The following LRBA variants were observed in gnomAD, a reference collection of about 807,000 sequenced individuals.
The protein encoded by LRBA is LPS responsive beige-like anchor protein.
LRBA carries 176 observed loss-of-function variants against 330.0 expected under a neutral mutation model. That is an observed-to-expected ratio of 0.53 (90% CI 0.47 to 0.60). LRBA has a LOEUF of 0.60. Ranked by LOEUF, LRBA falls within the 20% of genes least tolerant of loss-of-function variation. LRBA has a pLI of 0.00. For missense variants in LRBA, 3,259 were observed against 3,444.8 expected (o/e 0.95, Z 1.35); for synonymous variants, 1,230 against 1,193.0 (o/e 1.03, Z -0.64).
intron 37 of LRBA, among the ~76,000 whole-genome samples, chr4:150,631,797 G>A (rs1777403075): frequency 6.6e-6 from 1 of 152,178 alleles, no homozygotes; most frequent in African/African-American, 2.4e-5. Flanking sequence ...TGCAAACAGA[G>A]ATGAATTTAG....
At chr4:150,642,860 G>T (rs1035741977) in intron 37 of LRBA, among the ~76,000 whole-genome samples, 1 of 151,690 alleles carries the variant, frequency 6.6e-6, no homozygotes, top group Non-Finnish European at 1.5e-5. Context: ...GGAGGCAAAA[G>T]AATTACTCTC....
intron 2 of LRBA, chr4:151,013,077 AGCT>A (rs1745040635): frequency 6.6e-6 from 1 of 152,162 alleles, no homozygotes. Flanking sequence ...AATTCCATCT[AGCT>A]ACTTTCTTAT....
intron 34 of LRBA, among the ~76,000 whole-genome samples, chr4:150,779,146 GAATTA>G (rs1737822173): frequency 6.6e-6 from 1 of 151,842 alleles, no homozygotes; most frequent in Non-Finnish European, 1.5e-5. Flanking sequence ...TTTTAATTTA[GAATTA>G]AATTATCTCA....
At chr4:150,546,734 T>TA (rs1215468104) in intron 40 of LRBA, among the ~76,000 whole-genome samples, 1 of 152,180 alleles carries the variant, frequency 6.6e-6, no homozygotes, top group Non-Finnish European at 1.5e-5. Context: ...AAAATTGTTT[T>TA]AAAAAATGAC....
intron 34 of LRBA, among the ~76,000 whole-genome samples, chr4:150,763,187 G>C (rs1735326465): frequency 6.6e-6 from 1 of 152,096 alleles, no homozygotes; most frequent in East Asian, 1.9e-4. Context: ...AACTAGCAGA[G>C]AAGAAAAAGT....
intron 22 of LRBA, among the ~76,000 whole-genome samples, chr4:150,866,222 C>A (rs1752669358): frequency 6.6e-6 from 1 of 152,130 alleles, no homozygotes; most frequent in Admixed American, 6.5e-5. Flanking sequence ...AAAAAACATA[C>A]ACCGTAAATG....
At chr4:150,923,802 C>G (rs1341268092) in intron 4 of LRBA, among the ~76,000 whole-genome samples, 1 of 152,112 alleles carries the variant, frequency 6.6e-6, no homozygotes, top group Non-Finnish European at 1.5e-5. Flanking sequence ...CAGGGTCAAA[C>G]TACAAATGAA....
rs748853791 is a variant in LRBA at position 150,916,724 on chromosome 4, A to G, written c.660T>C (p.Pro220=). ...TCTGGTATGGCCATTTGGCTATAGG[A>G]GGTAATGCAATAGCCTAAAGGAAAG... is the stretch of plus-strand genomic sequence containing the variant. ...PGKSAAAIAL[P]PIAKWPYQNG... Residue 220 remains proline (P), a synonymous_variant, in exon 6 of 57, where the codon CCT becomes CCC. Transcript: ENST00000651943. The G allele has an allele frequency of 1.3e-6, 2 of 1,563,238 alleles. No individual in the cohort carries two copies. The highest frequency in any genetic ancestry group is 1.7e-6 in the Non-Finnish European group (2 of 1,161,448).
At chr4:150,896,832 G>A (rs1201218592) in intron 15 of LRBA, among the ~76,000 whole-genome samples, 1 of 151,854 alleles carries the variant, frequency 6.6e-6, no homozygotes, top group Non-Finnish European at 1.5e-5. Flanking sequence ...AGAATACAAT[G>A]AACAGTTTCT....
intron 42 of LRBA, among the ~76,000 whole-genome samples, chr4:150,485,322 CTGGCTCT>C (rs1237292433): frequency 6.6e-6 from 1 of 151,870 alleles, no homozygotes; most frequent in Admixed American, 6.6e-5. Context: ...CCTTGATGAA[CTGGCTCT>C]TTTATCATTA....
chr4:150,302,251 G>A (rs945853776), intron 53 of LRBA, among the ~76,000 whole-genome samples: 5 of 145,556 alleles, frequency 3.4e-5, no homozygotes, highest in Admixed American at 3.4e-4. Context: ...TTGTTTCTAT[G>A]AAATTATTAT....
At chr4:150,480,742 A>C (rs1202868722) in intron 42 of LRBA, among the ~76,000 whole-genome samples, 1 of 152,178 alleles carries the variant, frequency 6.6e-6, no homozygotes, top group Non-Finnish European at 1.5e-5. Flanking sequence ...GTACATATTT[A>C]TGGTGTACGC....
At chr4:150,899,176 T>G (rs774401296) in intron 14 of LRBA, among the ~76,000 whole-genome samples, 1 of 152,140 alleles carries the variant, frequency 6.6e-6, no homozygotes, top group Non-Finnish European at 1.5e-5. Context: ...AATGGGCACA[T>G]GATACAATCA....
chr4:150,652,989 T>A (rs1307595388), intron 37 of LRBA, among the ~76,000 whole-genome samples: 1 of 148,362 alleles, frequency 6.7e-6, no homozygotes, highest in Non-Finnish European at 1.5e-5. Flanking sequence ...CAGATATCAA[T>A]TTTTTTTTGC....
At chr4:150,567,280 T>C (rs1443279538) in intron 40 of LRBA, among the ~76,000 whole-genome samples, 1 of 151,946 alleles carries the variant, frequency 6.6e-6, no homozygotes, top group African/African-American at 2.4e-5. Context: ...CATTTCAGAG[T>C]AGGATAACAA....
At chr4:150,462,903 A>C (rs1263316182) in intron 44 of LRBA, among the ~76,000 whole-genome samples, 1 of 151,934 alleles carries the variant, frequency 6.6e-6, no homozygotes, top group Non-Finnish European at 1.5e-5. Flanking sequence ...TTATTTGTAC[A>C]GATAGAGCTC....
chr4:150,725,793 C>G (rs964654907), intron 36 of LRBA, among the ~76,000 whole-genome samples: 3 of 152,130 alleles, frequency 2.0e-5, no homozygotes, highest in Non-Finnish European at 4.4e-5. Flanking sequence ...ATAGATAGTA[C>G]AGTGAGATAA....
intron 35 of LRBA, among the ~76,000 whole-genome samples, chr4:150,739,100 CT>C (rs1390500695): frequency 4.6e-5 from 7 of 151,938 alleles, no homozygotes; most frequent in Non-Finnish European, 7.4e-5. Context: ...AGGTAATAAA[CT>C]TTTTTTAGTA....
chr4:150,858,806 G>A (rs1281233252), intron 22 of LRBA, among the ~76,000 whole-genome samples: 1 of 152,114 alleles, frequency 6.6e-6, no homozygotes, highest in Non-Finnish European at 1.5e-5. Context: ...GGAGGCATGA[G>A]CCACCATGTC....
Sources: gnomAD v4.1 joint callset for allele counts (sites outside exome capture counted in the v4.1 genomes callset) on GRCh38, gnomAD v4.1.1 for gene constraint, MANE v1.5 for transcripts, NCBI Gene and HGNC (gene_info 2026-07-23, HGNC 2026-07-21) for gene names.